GRID2: variants seen among roughly 807,000 people sequenced by gnomAD.
GRID2 encodes glutamate receptor ionotropic, delta-2.
In GRID2, 33 loss-of-function variants were observed where a neutral mutation model predicts 114.8. That is an observed-to-expected ratio of 0.29 (90% CI 0.22 to 0.38). The LOEUF (loss-of-function observed/expected upper bound fraction) is 0.38, where lower values mean the gene tolerates loss of function less well. Ranked by LOEUF, GRID2 falls within the 10% of genes least tolerant of loss-of-function variation. The pLI is 1.00. For missense variants in GRID2, 1,184 were observed against 1,257.7 expected, an observed-to-expected ratio of 0.94 and a Z score of 0.89; for synonymous variants, 505 against 449.9, an observed-to-expected ratio of 1.12 and a Z score of -1.55.
At chr4:93,678,647 T>C (rs1397917275) in intron 14 of GRID2, among the ~76,000 whole-genome samples, 2 of 152,082 alleles carry the variant, frequency 1.3e-5, no homozygotes, top group African/African-American at 2.4e-5. Flanking sequence ...AAAAGAATTT[T>C]CAAACCAGAA....
At chr4:93,370,713 C>A (rs1762807452) in intron 8 of GRID2, among the ~76,000 whole-genome samples, 1 of 152,128 alleles carries the variant, frequency 6.6e-6, no homozygotes, top group Non-Finnish European at 1.5e-5. Flanking sequence ...GATCCTTACA[C>A]ATCTTCATAG....
intron 2 of GRID2, among the ~76,000 whole-genome samples, chr4:92,653,991 G>T (rs1373118739): frequency 6.6e-6 from 1 of 152,126 alleles, no homozygotes; most frequent in Non-Finnish European, 1.5e-5. Flanking sequence ...TGTGGAAAGA[G>T]GATGGCTGAC....
Position 92,675,393 on chromosome 4 carries a change from C to T in GRID2, c.244+85107C>T, listed in dbSNP as rs192655963. Among the ~76,000 whole-genome samples the T allele has an allele frequency of 3.8e-3, 584 of 152,198 alleles. 7 individuals carry two copies. The highest frequency in any genetic ancestry group is 0.013 in the African/African-American group (549 of 41,534). On this transcript the variant is annotated intron_variant, in intron 2 of 15. Transcript: ENST00000282020. ...TAATCACTATCCAAAAATTTCTCTT[C>T]AGAATTTTGGAGCTTTTTCTGTGAC...
At chr4:93,424,220 A>G (rs895649627) in intron 10 of GRID2, among the ~76,000 whole-genome samples, 2 of 146,788 alleles carry the variant, frequency 1.4e-5, no homozygotes, top group Non-Finnish European at 3.0e-5. Flanking sequence ...TACAGAAAGA[A>G]AAAAAAAAAG....
At chr4:92,911,294 C>T (rs1050545200) in intron 2 of GRID2, among the ~76,000 whole-genome samples, 2 of 151,830 alleles carry the variant, frequency 1.3e-5, no homozygotes, top group African/African-American at 2.4e-5. Flanking sequence ...TCAAAAGGAC[C>T]ATACATTTCA....
intron 1 of GRID2, among the ~76,000 whole-genome samples, chr4:92,426,913 C>T (rs1227892529): frequency 2.0e-5 from 3 of 152,178 alleles, no homozygotes; most frequent in African/African-American, 7.2e-5. Flanking sequence ...TCCAAGGGCT[C>T]ATGTTTTAAA....
rs553912209 is a variant in GRID2 at position 93,504,561 on chromosome 4, G to A, written c.1998-10655G>A. ...TAGAAGTACGATGAAGTTTAATAGG[G>A]ACGAATATGTGATAATCACTCAGAG... On this transcript the variant is annotated intron_variant, in intron 12 of 15. Transcript: ENST00000282020. Among the ~76,000 whole-genome samples the A allele has an allele frequency of 9.9e-4, 151 of 152,074 alleles. 1 individual carries two copies. Among genetic ancestry groups the A allele is most frequent in the Non-Finnish European group, 1.4e-3 (92 of 67,942 alleles).
chr4:93,482,660 C>T (rs1225441339), intron 11 of GRID2, among the ~76,000 whole-genome samples: 5 of 151,764 alleles, frequency 3.3e-5, no homozygotes, highest in Non-Finnish European at 5.9e-5. Flanking sequence ...ATGTAACAAA[C>T]CTGCACATTC....
chr4:92,930,091 A>G (rs1439647859), intron 2 of GRID2, among the ~76,000 whole-genome samples: 1 of 151,316 alleles, frequency 6.6e-6, no homozygotes, highest in African/African-American at 2.4e-5. Context: ...TTTAATTTTC[A>G]TAACTTTTTC....
intron 2 of GRID2, among the ~76,000 whole-genome samples, chr4:93,060,505 T>G (rs183203598): frequency 6.6e-6 from 1 of 152,286 alleles, no homozygotes; most frequent in Admixed American, 6.6e-5. Flanking sequence ...TATCAGCTTC[T>G]GTAGGAAAAC....
chr4:92,780,264 G>A (rs760580502), intron 2 of GRID2, among the ~76,000 whole-genome samples: 1 of 152,074 alleles, frequency 6.6e-6, no homozygotes, highest in Non-Finnish European at 1.5e-5. Context: ...TTTTGTTGTT[G>A]TTGAGTTGTT....
intron 1 of GRID2, among the ~76,000 whole-genome samples, chr4:92,459,612 G>A (rs1221180469): frequency 6.6e-6 from 1 of 151,778 alleles, no homozygotes; most frequent in East Asian, 1.9e-4. Flanking sequence ...AGTTTTCTGT[G>A]CCTAAAAATG....
At chr4:93,190,200 G>T (rs747110922) in intron 4 of GRID2, among the ~76,000 whole-genome samples, 9 of 151,974 alleles carry the variant, frequency 5.9e-5, no homozygotes, top group Non-Finnish European at 1.2e-4. Context: ...AAAATAAAAA[G>T]AAACAACAAA....
At chr4:92,380,394 G>A (rs1729561104) in intron 1 of GRID2, among the ~76,000 whole-genome samples, 1 of 151,816 alleles carries the variant, frequency 6.6e-6, no homozygotes, top group Admixed American at 6.6e-5. Flanking sequence ...TTGATCCTCA[G>A]GTTGTTATCT....
chr4:93,400,632 AAAAG>A (rs1197273642), intron 9 of GRID2, among the ~76,000 whole-genome samples: 2 of 152,262 alleles, frequency 1.3e-5, no homozygotes, highest in Non-Finnish European at 1.5e-5. Context: ...GTTACAAATT[AAAAG>A]AAAGGCGTGC....
intron 2 of GRID2, among the ~76,000 whole-genome samples, chr4:92,665,226 A>G (rs1327111701): frequency 6.6e-6 from 1 of 150,476 alleles, no homozygotes; most frequent in Non-Finnish European, 1.5e-5. Flanking sequence ...CATGGTAATT[A>G]CATTTAACAT....
At chr4:93,349,218 G>A (rs572194952) in intron 8 of GRID2, among the ~76,000 whole-genome samples, 36 of 152,186 alleles carry the variant, frequency 2.4e-4, no homozygotes, top group Admixed American at 4.6e-4. Flanking sequence ...ACATGAAAAT[G>A]AAATATGTCT....
chr4:92,717,126 G>A (rs1195218583), intron 2 of GRID2, among the ~76,000 whole-genome samples: 1 of 152,182 alleles, frequency 6.6e-6, no homozygotes, highest in Non-Finnish European at 1.5e-5. Context: ...TGAATGAGGG[G>A]AGGGTAAAGA....
chr4:93,289,269 A>G (rs1017249959), intron 8 of GRID2, among the ~76,000 whole-genome samples: 1 of 152,222 alleles, frequency 6.6e-6, no homozygotes, highest in African/African-American at 2.4e-5. Context: ...ACTATCAAAT[A>G]AACTTCTGAA....
Sources: allele counts gnomAD v4.1 joint callset (sites outside exome capture counted in the v4.1 genomes callset), GRCh38; gene constraint gnomAD v4.1.1; transcripts MANE v1.5; gene names NCBI Gene and HGNC (gene_info 2026-07-23, HGNC 2026-07-21).